Variants in MAP4 observed in about 807,000 individuals in gnomAD.
MAP4 encodes the protein microtubule-associated protein 4.
MAP4 carries 76 observed loss-of-function variants against 170.2 expected under a neutral mutation model. The observed-to-expected ratio is 0.45, with a 90% confidence interval of 0.37 to 0.54. The LOEUF (loss-of-function observed/expected upper bound fraction) is 0.54. Among genes scored for constraint, MAP4 ranks in the 20% least tolerant of loss-of-function variants. The pLI is 0.00. For synonymous variants in MAP4, 909 were observed against 994.5 expected, an observed-to-expected ratio of 0.91 and a Z score of 1.62; for missense variants, 2,506 against 2,748.0, an observed-to-expected ratio of 0.91 and a Z score of 1.97.
chr3:48,077,378 G>A (rs887332960), intron 1 of MAP4, among the ~76,000 whole-genome samples: 1 of 151,506 alleles, frequency 6.6e-6, no homozygotes, highest in Non-Finnish European at 1.5e-5. Flanking sequence ...CCCGGGAGGC[G>A]GAGGTTGCCA....
chr3:47,902,276 G>T (rs2100030462), intron 10 of MAP4, among the ~76,000 whole-genome samples: 1 of 152,122 alleles, frequency 6.6e-6, no homozygotes, highest in South Asian at 2.1e-4. Flanking sequence ...TTTTTTGGAG[G>T]TTAAGAGTTT....
chr3:47,998,522 T>C (rs1385595496), intron 2 of MAP4, 116 bp downstream of exon 2: 7 of 770,366 alleles, frequency 9.1e-6, no homozygotes, highest in Non-Finnish European at 1.5e-5. Flanking sequence ...AAACATAAAG[T>C]TACTAGCCTA....
chr3:47,985,002 C>A (rs968700552), intron 2 of MAP4, among the ~76,000 whole-genome samples: 7 of 149,958 alleles, frequency 4.7e-5, no homozygotes, highest in Non-Finnish European at 7.4e-5. Flanking sequence ...AAAAATTAGG[C>A]TGGGGGGTGG....
chr3:47,871,332 G>T (rs752655069), intron 13 of MAP4, 46 bp from the exon 14 acceptor site: 3 of 1,404,172 alleles, frequency 2.1e-6, no homozygotes, highest in Admixed American at 3.4e-5. Flanking sequence ...AAACTGACCT[G>T]TTGGATAGTT....
chr3:47,969,068 ACTAACAT>A (rs1375207400), intron 3 of MAP4, among the ~76,000 whole-genome samples: 1 of 152,236 alleles, frequency 6.6e-6, no homozygotes. Flanking sequence ...AAATTCCAAA[ACTAACAT>A]CTGTGGCTAT....
chr3:47,937,656 C>CTTTTTT (rs71070243), intron 3 of MAP4, among the ~76,000 whole-genome samples: 127 of 107,888 alleles, frequency 1.2e-3, no homozygotes, highest in Non-Finnish European at 1.5e-3. Context: ...TTTTCTTCTT[C>CTTTTTT]TTTTTTTTTT....
At chr3:47,945,164 C>T (rs1238114701) in intron 3 of MAP4, among the ~76,000 whole-genome samples, 1 of 151,614 alleles carries the variant, frequency 6.6e-6, no homozygotes, top group African/African-American at 2.4e-5. Context: ...ACCAGCCTGA[C>T]CCACAGGGTG....
intron 17 of MAP4, 33 bp downstream of exon 17, chr3:47,867,213 C>T: frequency 6.7e-7 from 1 of 1,494,978 alleles, no homozygotes; most frequent in Non-Finnish European, 9.3e-7. Flanking sequence ...TGGGCTATAT[C>T]TCAGATGCCA....
At chr3:47,929,949 T>C (rs1030550789) in intron 3 of MAP4, among the ~76,000 whole-genome samples, 2 of 150,004 alleles carry the variant, frequency 1.3e-5, no homozygotes. Flanking sequence ...GCCAACTGGG[T>C]GACACCCCAT....
intron 1 of MAP4, among the ~76,000 whole-genome samples, chr3:48,075,595 T>C (rs939214419): frequency 6.6e-6 from 1 of 151,862 alleles, no homozygotes. Context: ...GATGCTAAGA[T>C]GATACACAAT....
intron 1 of MAP4, among the ~76,000 whole-genome samples, chr3:48,030,874 A>T (rs1029996498): frequency 6.6e-6 from 1 of 151,618 alleles, no homozygotes; most frequent in African/African-American, 2.4e-5. Flanking sequence ...GTTCCCAATG[A>T]CCAAAGCTGG....
chr3:47,915,129 T>C (rs1470126763), intron 7 of MAP4, among the ~76,000 whole-genome samples, 190 bp from the exon 8 acceptor site: 5 of 151,962 alleles, frequency 3.3e-5, no homozygotes, highest in African/African-American at 1.2e-4. Context: ...TTTTTTTTTT[T>C]TGAGATGGAG....
intron 5 of MAP4, among the ~76,000 whole-genome samples, chr3:47,921,375 G>A (rs2100042781): frequency 6.6e-6 from 1 of 152,150 alleles, no homozygotes; most frequent in Non-Finnish European, 1.5e-5. Context: ...ACTTTTTTAA[G>A]CTGAAGGCTA....
At chr3:47,960,068 T>C (rs62260778) in intron 3 of MAP4, among the ~76,000 whole-genome samples, 2,976 of 152,086 alleles carry the variant, frequency 0.02, 40 homozygotes, top group Non-Finnish European at 0.032. Flanking sequence ...TTCATCATGT[T>C]GGCCGGGCTG....
intron 10 of MAP4, among the ~76,000 whole-genome samples, chr3:47,902,673 C>CAAAAAAA (rs3051642): frequency 8.5e-4 from 22 of 25,772 alleles, no homozygotes; most frequent in South Asian, 2.4e-3. Context: ...GACTCTGTCT[C>CAAAAAAA]AAAAAAAAAA....
chr3:48,011,755 G>A (rs1042432621), intron 1 of MAP4, among the ~76,000 whole-genome samples: 2 of 152,100 alleles, frequency 1.3e-5, no homozygotes, highest in Non-Finnish European at 2.9e-5. Context: ...AGATTATAAT[G>A]TCAAAGGGTT....
intron 8 of MAP4, 136 bp from the exon 9 acceptor site, chr3:47,912,557 G>A (rs1225662386): frequency 3.1e-6 from 2 of 646,486 alleles, no homozygotes; most frequent in Non-Finnish European, 2.3e-6. Context: ...AGTACTTACT[G>A]TAATTTGCTC....
At chr3:47,883,885 C>A (rs1028209721) in intron 10 of MAP4, among the ~76,000 whole-genome samples, 4 of 152,092 alleles carry the variant, frequency 2.6e-5, no homozygotes, top group Non-Finnish European at 5.9e-5. Flanking sequence ...ATTGCTGTTT[C>A]CCTAATGCAT....
chr3:47,866,168 C>T (rs568465906), intron 17 of MAP4, among the ~76,000 whole-genome samples: 69 of 151,984 alleles, frequency 4.5e-4, no homozygotes, highest in Middle Eastern at 6.8e-3. Flanking sequence ...GAAACCCCGT[C>T]TCTACTAAAA....
Sources: allele counts gnomAD v4.1 joint callset (sites outside exome capture counted in the v4.1 genomes callset), GRCh38; gene constraint gnomAD v4.1.1; transcripts MANE v1.5; gene names NCBI Gene and HGNC (gene_info 2026-07-23, HGNC 2026-07-21).